Variants in MARCHF6 observed in about 807,000 individuals in gnomAD.
MARCHF6 encodes the protein membrane associated ring-CH-type finger 6.
A neutral mutation model predicts 133.7 loss-of-function variants in MARCHF6; 31 were observed. That is an observed-to-expected ratio of 0.23 (90% CI 0.17 to 0.31). The LOEUF is 0.31. Ranked by LOEUF, MARCHF6 falls within the 10% of genes least tolerant of loss-of-function variation. MARCHF6 has a pLI of 1.00. For missense variants in MARCHF6, 723 were observed against 1,121.6 expected, an observed-to-expected ratio of 0.64 and a Z score of 5.08; for synonymous variants, 395 against 402.5, an observed-to-expected ratio of 0.98 and a Z score of 0.22.
intron 2 of MARCHF6, among the ~76,000 whole-genome samples, chr5:10,378,197 A>G (rs1051601907): frequency 6.6e-6 from 1 of 152,060 alleles, no homozygotes; most frequent in African/African-American, 2.4e-5. Context: ...AAGTGTTATG[A>G]TTTTCTAGTT....
chr5:10,431,082 A>G (rs1300836191), intron 25 of MARCHF6, among the ~76,000 whole-genome samples: 1 of 152,174 alleles, frequency 6.6e-6, no homozygotes, highest in Non-Finnish European at 1.5e-5. Flanking sequence ...CCCTTGCACA[A>G]CAAATTATAG....
chr5:10,358,295 T>C (rs1408570757), intron 1 of MARCHF6, among the ~76,000 whole-genome samples: 1 of 151,976 alleles, frequency 6.6e-6, no homozygotes, highest in African/African-American at 2.4e-5. Context: ...ATGGAGCCAA[T>C]GGGGAGAGAG....
intron 5 of MARCHF6, among the ~76,000 whole-genome samples, chr5:10,389,442 C>G (rs1737679923): frequency 6.6e-6 from 1 of 151,940 alleles, no homozygotes; most frequent in Non-Finnish European, 1.5e-5. Flanking sequence ...TCACTCTGTA[C>G]CCATGCTGGA....
Position 10,429,954 on chromosome 5 carries a change from C to T in MARCHF6, c.2568C>T (p.Val856=), listed in dbSNP as rs747371203. The T allele has an allele frequency of 2.2e-5, 36 of 1,613,476 alleles. No individual in the cohort carries two copies. Among genetic ancestry groups the T allele is most frequent in the Admixed American group, 2.0e-4 (12 of 59,998 alleles). Residue 856 remains valine, a synonymous_variant, in exon 25 of 26, where the codon GTC becomes GTT. Coordinates refer to ENST00000274140, the MANE Select transcript of MARCHF6 (RefSeq NM_005885.4). The part of the protein sequence containing the change: ...HRRIYPFLLM[V]VVLMAILSFQ... Reference sequence around the variant, plus strand: ...GGATTTATCCATTTTTACTGATGGTCGTGGTATTGATGGCAATTTTGTCCT... The same window carrying T: ...GGATTTATCCATTTTTACTGATGGTTGTGGTATTGATGGCAATTTTGTCCT...
At chr5:10,392,151 G>T (rs1180359335) in intron 7 of MARCHF6, among the ~76,000 whole-genome samples, 1 of 152,028 alleles carries the variant, frequency 6.6e-6, no homozygotes, top group Non-Finnish European at 1.5e-5. Flanking sequence ...GTAGAGACGG[G>T]GTTTCACCGT....
At chr5:10,368,889 A>C (rs568991318) in intron 1 of MARCHF6, among the ~76,000 whole-genome samples, 1 of 152,174 alleles carries the variant, frequency 6.6e-6, no homozygotes, top group East Asian at 1.9e-4. Context: ...TTGAGGCTGC[A>C]GTGAACTATG....
At chr5:10,401,836 G>A in intron 11 of MARCHF6, 1 of 544,526 alleles carries the variant, frequency 1.8e-6, no homozygotes, top group East Asian at 2.9e-5. Flanking sequence ...GTCTCCTTGG[G>A]TAAAGTGTTA....
At chr5:10,363,102 T>C (rs1220852361) in intron 1 of MARCHF6, among the ~76,000 whole-genome samples, 2 of 152,146 alleles carry the variant, frequency 1.3e-5, no homozygotes, top group African/African-American at 4.8e-5. Context: ...GGGGAAAATA[T>C]AGGAGAAATT....
chr5:10,398,640 A>G (rs1208155375), intron 10 of MARCHF6, among the ~76,000 whole-genome samples: 5 of 151,880 alleles, frequency 3.3e-5, no homozygotes, highest in Non-Finnish European at 7.4e-5. Context: ...TTACTCTTGC[A>G]GAAAAGCTTA....
chr5:10,438,512 C>T lies in MARCHF6; in HGVS notation c.*4828C>T, dbSNP rs1451894817. On this transcript the variant is annotated 3_prime_UTR_variant, in exon 26 of 26. Transcript: ENST00000274140. ...AAGTTCAGAAACTGGCCATTAATTT[C>T]CCCCTTCCGCTCCACAGTTCATAGC... The T allele has an allele frequency of 1.3e-5, 2 of 152,158 alleles. No homozygotes were observed. Among genetic ancestry groups the T allele is most frequent in the Non-Finnish European group, 2.9e-5 (2 of 68,032 alleles). The allele number at this position is 152,158 out of a possible 1,614,324, so 9.4% of individuals were successfully genotyped here. A position where few individuals can be genotyped will look rare whatever the true frequency, so the allele number is the denominator to read the frequency against.
rs1444517924 is a variant in MARCHF6, at chr5:10,407,164, G to A, written c.1515G>A (p.Val505=). ...LWLPIRIIKS[V]LPNFLPYNVM... ...TTCCTATACGTATAATTAAGAGTGT[G>A]CTGCCTAATTTTCTTCCATACAATG... The change falls in exon 17 of 26, where the codon GTG becomes GTA. Residue 505 remains valine (V), a synonymous_variant. Coordinates refer to ENST00000274140, the MANE Select transcript of MARCHF6 (RefSeq NM_005885.4). The A allele has an allele frequency of 1.9e-6, 3 of 1,612,496 alleles. No homozygotes were observed. Among genetic ancestry groups the A allele is most frequent in the East Asian group, 2.2e-5 (1 of 44,842 alleles).
intron 1 of MARCHF6, among the ~76,000 whole-genome samples, chr5:10,360,556 G>C (rs145861286): frequency 1.3e-5 from 2 of 152,344 alleles, no homozygotes; most frequent in East Asian, 3.9e-4. Context: ...TTACATAAGG[G>C]ACTTGAGCAT....
rs796451770 is a variant in MARCHF6, at chr5:10,439,040, T to G, written c.*5356T>G. The G allele has an allele frequency of 2.0e-5, 3 of 152,368 alleles. No homozygotes were observed. The highest frequency in any genetic ancestry group is 7.2e-5 in the African/African-American group (3 of 41,586). The allele number at this position is 152,368 out of a possible 1,614,324, so 9.4% of individuals were successfully genotyped here. Reference sequence around the variant, plus strand: ...TTCTCTGTGTTTGTTCAGTAACTCTTCTTTAGGATACACCTAAAGATGAGA... The same window carrying G: ...TTCTCTGTGTTTGTTCAGTAACTCTGCTTTAGGATACACCTAAAGATGAGA... On this transcript the variant is annotated 3_prime_UTR_variant, in exon 26 of 26. Coordinates refer to ENST00000274140, the MANE Select transcript of MARCHF6 (RefSeq NM_005885.4).
intron 1 of MARCHF6, among the ~76,000 whole-genome samples, chr5:10,365,041 G>T (rs924157837): frequency 6.6e-6 from 1 of 152,058 alleles, no homozygotes; most frequent in Non-Finnish European, 1.5e-5. Flanking sequence ...GACCTCAGTT[G>T]ATCTACCCAC....
chr5:10,374,653 A>G (rs1250337946), intron 1 of MARCHF6, among the ~76,000 whole-genome samples: 1 of 152,172 alleles, frequency 6.6e-6, no homozygotes, highest in Non-Finnish European at 1.5e-5. Context: ...TTTGCCAAGG[A>G]TGTTTTCATT....
intron 18 of MARCHF6, among the ~76,000 whole-genome samples, chr5:10,410,565 ACCAGTTT>A (rs1352734047): frequency 1.3e-5 from 2 of 151,792 alleles, no homozygotes; most frequent in Non-Finnish European, 2.9e-5. Flanking sequence ...TTAAAAACAA[ACCAGTTT>A]ACCTTTATTT....
intron 1 of MARCHF6, among the ~76,000 whole-genome samples, chr5:10,370,219 G>T (rs954471882): frequency 6.9e-6 from 1 of 145,196 alleles, no homozygotes; most frequent in Non-Finnish European, 1.5e-5. Flanking sequence ...TTCTGCCTTA[G>T]CCTCCTGAGT....
chr5:10,407,971 A>G (rs1217750293), intron 17 of MARCHF6, among the ~76,000 whole-genome samples: 1 of 139,838 alleles, frequency 7.2e-6, no homozygotes, highest in African/African-American at 2.6e-5. Context: ...CCCCCAAAAA[A>G]AAAAGCCATC....
intron 1 of MARCHF6, among the ~76,000 whole-genome samples, chr5:10,364,309 G>A (rs975079713): frequency 6.6e-6 from 1 of 152,146 alleles, no homozygotes; most frequent in South Asian, 2.1e-4. Context: ...GTGAGCCAAG[G>A]TTGATGGGCA....
Sources: gnomAD v4.1 joint callset for allele counts (sites outside exome capture counted in the v4.1 genomes callset) on GRCh38, gnomAD v4.1.1 for gene constraint, MANE v1.5 for transcripts, NCBI Gene and HGNC (gene_info 2026-07-23, HGNC 2026-07-21) for gene names.